The following RPF1 variants were observed in gnomAD, a reference collection of about 807,000 sequenced individuals.
The protein encoded by RPF1 is ribosome production factor 1 homolog.
In RPF1, 34 loss-of-function variants were observed where a neutral mutation model predicts 41.9. That is an observed-to-expected ratio of 0.81 (90% CI 0.62 to 1.08). The LOEUF is 1.08. RPF1 is among the 50% of genes least tolerant of loss of function. RPF1 has a pLI of 0.00. For synonymous variants in RPF1, 140 were observed against 148.9 expected (o/e 0.94, Z 0.43); for missense variants, 425 against 435.2 (o/e 0.98, Z 0.21).
In RPF1 at chr1:84,480,936, C is replaced by CT. The variant is rs34688892; in HGVS notation, c.229-11dup. On this transcript the variant is annotated intron_variant, in intron 1 of 8. Coordinates refer to ENST00000370654, the MANE Select transcript of RPF1 (RefSeq NM_025065.7). ...ACTGGTTGTTTCTCAGTATTGTTCT[C>CT]TTTTTTTTTAACCCTTTAGGAAAAG... 45,258 of 1,363,780 alleles carry CT rather than the reference C, an allele frequency of 0.033. 930 individuals are homozygous for CT. The highest frequency in any genetic ancestry group is 0.12 in the African/African-American group (8,258 of 68,568). 84.5% of individuals were successfully genotyped at this position (1,363,780 alleles called of 1,614,324 possible). A position where few individuals can be genotyped will look rare whatever the true frequency, so the allele number is the denominator to read the frequency against.
chr1:84,489,827 C>G, intron 4 of RPF1, 99 bp downstream of exon 4: 1 of 682,104 alleles, frequency 1.5e-6, no homozygotes, highest in South Asian at 1.8e-5. Context: ...AGTTAATTGC[C>G]TTAAAGAATG....
At chr1:84,482,159 C>T (rs1293193325) in intron 2 of RPF1, among the ~76,000 whole-genome samples, 1 of 152,010 alleles carries the variant, frequency 6.6e-6, no homozygotes, top group African/African-American at 2.4e-5. Flanking sequence ...GTAATAAATG[C>T]TAGTTTCAGT....
intron 1 of RPF1, among the ~76,000 whole-genome samples, chr1:84,479,876 G>T (rs1681611711): frequency 6.6e-6 from 1 of 152,214 alleles, no homozygotes; most frequent in Non-Finnish European, 1.5e-5. Flanking sequence ...TGCAGAATCT[G>T]AAATGGAGGC....
At chr1:84,489,347 A>G (rs1258498050) in intron 3 of RPF1, among the ~76,000 whole-genome samples, 1 of 152,032 alleles carries the variant, frequency 6.6e-6, no homozygotes, top group African/African-American at 2.4e-5. Flanking sequence ...TTACTAACCA[A>G]GTTGATGAGG....
At chr1:84,484,761 C>G (rs530729559) in intron 3 of RPF1, among the ~76,000 whole-genome samples, 2 of 151,236 alleles carry the variant, frequency 1.3e-5, no homozygotes, top group South Asian at 2.1e-4. Flanking sequence ...TCTCGGCTCA[C>G]TGCAACCTCT....
Position 84,489,597 on chromosome 1 carries a change from C to A in RPF1, c.367-36C>A, listed in dbSNP as rs757440379. On this transcript the variant is annotated intron_variant, in intron 3 of 8. Coordinates refer to ENST00000370654, the MANE Select transcript of RPF1 (RefSeq NM_025065.7). Reference sequence around the variant, plus strand: ...AGAATTCTGGCCCAGTAGAGTATTTCTTTGATGTAAAATTATTCCTCTTCT... The same window carrying A: ...AGAATTCTGGCCCAGTAGAGTATTTATTTGATGTAAAATTATTCCTCTTCT... The A allele has an allele frequency of 3.4e-6, 4 of 1,174,596 alleles. No homozygotes were observed. In the African/African-American group the frequency reaches 4.5e-5, roughly 13 times the overall value. The allele number at this position is 1,174,596 out of a possible 1,614,324, so 72.8% of individuals were successfully genotyped here.
intron 3 of RPF1, among the ~76,000 whole-genome samples, chr1:84,486,402 G>A (rs2677839): frequency 0.46 from 70,308 of 151,444 alleles, 18,195 homozygotes; most frequent in African/African-American, 0.7. Flanking sequence ...CCTGGCTAAC[G>A]TGGTGAAACC....
At chr1:84,489,829 T>C (rs1681800691) in intron 4 of RPF1, 101 bp downstream of exon 4, 2 of 679,220 alleles carry the variant, frequency 2.9e-6, no homozygotes, top group East Asian at 5.4e-5. Context: ...TTAATTGCCT[T>C]AAAGAATGCC....
intron 5 of RPF1, among the ~76,000 whole-genome samples, chr1:84,494,967 G>C (rs1245011294): frequency 6.6e-6 from 1 of 152,048 alleles, no homozygotes; most frequent in Non-Finnish European, 1.5e-5. Flanking sequence ...GACATTTTGG[G>C]GTTATACATC....
rs111632647 is a variant in RPF1, at chr1:84,497,060, A to G, written c.1009-369A>G. ...TAATCTTTTCTATTTTTAGTAGAGA[A>G]GGGGTTTCCCCGTGTTAGCCAGGAT... On this transcript the variant is annotated intron_variant, in intron 8 of 8. Transcript: ENST00000370654. Among the ~76,000 whole-genome samples the G allele has an allele frequency of 5.5e-3, 841 of 151,820 alleles. 11 individuals carry two copies. The highest frequency in any genetic ancestry group is 0.019 in the African/African-American group (776 of 41,372).
chr1:84,493,688 T>C (rs2101887130), intron 5 of RPF1, among the ~76,000 whole-genome samples: 1 of 152,324 alleles, frequency 6.6e-6, no homozygotes, highest in South Asian at 2.1e-4. Context: ...TGATGAGTGC[T>C]GTGGTAGCAG....
In RPF1 at chr1:84,497,566, G is replaced by A; in HGVS notation, c.*96G>A. 1 of 898,776 alleles carries A rather than the reference G, an allele frequency of 1.1e-6. No individual in the cohort carries two copies. Among genetic ancestry groups the A allele is most frequent in the Non-Finnish European group, 1.7e-6 (1 of 591,118 alleles). The allele number at this position is 898,776 out of a possible 1,614,324, so 55.7% of individuals were successfully genotyped here. On this transcript the variant is annotated 3_prime_UTR_variant, in exon 9 of 9. Transcript: ENST00000370654. ...GAATACTCTTTTCAAAATGGCATTT[G>A]CTGATTTCATAAACCTTTCACGTCT...
chr1:84,479,428 G>T lies in RPF1; in HGVS notation c.147G>T (p.Pro49=), dbSNP rs111968562. The T allele has an allele frequency of 1.4e-5, 22 of 1,614,232 alleles. 1 individual carries two copies. Among genetic ancestry groups the T allele is most frequent in the African/African-American group, 9.3e-5 (7 of 75,068 alleles). ...AACCCCCGAAAGCGGCTGCCTTTCCGCCAGGCTTTAGCATTTCGGAGATTA... is the reference window on the plus strand; with the variant it reads ...AACCCCCGAAAGCGGCTGCCTTTCCTCCAGGCTTTAGCATTTCGGAGATTA... The part of the protein sequence containing the change: ...GVQPPKAAAF[P]PGFSISEIKN... The change falls in exon 1 of 9, where the codon CCG becomes CCT. Residue 49 remains proline (P), a synonymous_variant. Transcript: ENST00000370654.
intron 5 of RPF1, 46 bp from the exon 6 acceptor site, chr1:84,495,321 ATTAGAT>A (rs1681912935): frequency 3.5e-6 from 3 of 856,766 alleles, no homozygotes; most frequent in African/African-American, 1.7e-5. Context: ...TATTTAAACA[ATTAGAT>A]TTAGATTACA....
intron 1 of RPF1, 94 bp downstream of exon 1, chr1:84,479,603 C>T: frequency 8.3e-7 from 1 of 1,197,944 alleles, no homozygotes; most frequent in South Asian, 1.4e-5. Flanking sequence ...CTGCTGGTCT[C>T]AAAAGTGTTC....
chr1:84,489,038 T>A (rs2101885063), intron 3 of RPF1, among the ~76,000 whole-genome samples: 1 of 152,212 alleles, frequency 6.6e-6, no homozygotes, highest in East Asian at 1.9e-4. Flanking sequence ...TGTTGAATCT[T>A]TGTTTTCTAA....
chr1:84,485,836 A>T (rs575469120), intron 3 of RPF1, among the ~76,000 whole-genome samples: 1 of 152,198 alleles, frequency 6.6e-6, no homozygotes, highest in Non-Finnish European at 1.5e-5. Flanking sequence ...TAAGTGAGAA[A>T]TTGTATATCA....
intron 3 of RPF1, among the ~76,000 whole-genome samples, chr1:84,486,039 C>T (rs926087217): frequency 1.3e-5 from 2 of 152,106 alleles, no homozygotes; most frequent in African/African-American, 4.8e-5. Flanking sequence ...GGAAATTAGC[C>T]ATCTTTGGGC....
At chr1:84,490,249 A>T in intron 4 of RPF1, 70 bp from the exon 5 acceptor site, 23 of 993,122 alleles carry the variant, frequency 2.3e-5, no homozygotes, top group Non-Finnish European at 3.3e-5. Flanking sequence ...TTTCCTTATG[A>T]ATATGTACCA....
Sources: gnomAD v4.1 joint callset for allele counts (sites outside exome capture counted in the v4.1 genomes callset) on GRCh38, gnomAD v4.1.1 for gene constraint, MANE v1.5 for transcripts, NCBI Gene and HGNC (gene_info 2026-07-23, HGNC 2026-07-21) for gene names.